DCC: variants seen among roughly 807,000 people sequenced by gnomAD.
DCC encodes the protein netrin receptor DCC.
In DCC, 58 loss-of-function variants were observed where a neutral mutation model predicts 172.5. The ratio of observed to expected loss-of-function variants is 0.34; its 90% CI spans 0.27 to 0.42. The LOEUF is 0.42. Ranked by LOEUF, DCC falls within the 10% of genes least tolerant of loss-of-function variation. The pLI is 1.00. For synonymous variants in DCC, 709 were observed against 644.5 expected (o/e 1.10, Z -1.52); for missense variants, 1,740 against 1,791.0 (o/e 0.97, Z 0.51).
At chr18:52,744,362 G>A (rs543946241) in intron 1 of DCC, among the ~76,000 whole-genome samples, 2 of 151,946 alleles carry the variant, frequency 1.3e-5, no homozygotes, top group Admixed American at 6.6e-5. Flanking sequence ...ATATTTTAAT[G>A]ATCCTTAATA....
chr18:52,411,703 A>T (rs1307300654), intron 1 of DCC, among the ~76,000 whole-genome samples: 1 of 152,182 alleles, frequency 6.6e-6, no homozygotes, highest in East Asian at 1.9e-4. Context: ...AGGTTCTTCC[A>T]CATATTAGTC....
At chr18:53,348,088 C>T (rs1326171079) in intron 15 of DCC, among the ~76,000 whole-genome samples, 1 of 152,154 alleles carries the variant, frequency 6.6e-6, no homozygotes, top group Non-Finnish European at 1.5e-5. Flanking sequence ...CTTATTTCAG[C>T]ATTAACTCAA....
intron 1 of DCC, among the ~76,000 whole-genome samples, chr18:52,388,006 C>T (rs1985882729): frequency 6.6e-6 from 1 of 152,014 alleles, no homozygotes; most frequent in Admixed American, 6.6e-5. Flanking sequence ...GCACATGCAT[C>T]CATGGGCATA....
chr18:53,364,313 A>G (rs112351011), intron 15 of DCC, among the ~76,000 whole-genome samples: 7 of 152,126 alleles, frequency 4.6e-5, no homozygotes, highest in African/African-American at 1.7e-4. Flanking sequence ...AAAGAACTTA[A>G]TATTTCTATT....
rs553463687 is a variant in DCC at position 52,546,093 on chromosome 18, A to T, written c.91+205215A>T. On this transcript the variant is annotated intron_variant, in intron 1 of 28. Transcript: ENST00000442544. The stretch of plus-strand genomic sequence containing the variant: ...CCAAAACAAAATGATTCCTACCCTC[A>T]TGTGGCTTGCACTTGATTCGAGAGG... Among the ~76,000 whole-genome samples the T allele has an allele frequency of 2.6e-5, 4 of 152,318 alleles. No individual in the cohort carries two copies. The East Asian group carries it at 7.7e-4, about 29-fold the overall frequency.
intron 5 of DCC, among the ~76,000 whole-genome samples, chr18:53,013,060 G>A (rs570196377): frequency 6.6e-6 from 1 of 152,238 alleles, no homozygotes; most frequent in South Asian, 2.1e-4. Flanking sequence ...TCATTAAAAA[G>A]TCTGTAAATA....
rs56806063 is a variant in DCC at position 53,035,160 on chromosome 18, C to CTGTGTGTGTG, written c.986-28130_986-28121dup. Among the ~76,000 whole-genome samples, 48 of 149,016 alleles carry CTGTGTGTGTG rather than the reference C, an allele frequency of 3.2e-4. 1 individual carries two copies. The highest frequency in any genetic ancestry group is 8.8e-4 in the African/African-American group (36 of 40,682). ...GATATCCATCACCTCAAACATTTATCTGTGTGTGTGTGTGTGTGTGTGTGA... is the reference window on the plus strand; with the variant it reads ...GATATCCATCACCTCAAACATTTATCTGTGTGTGTGTGTGTGTGTGTGTGTGTGTGTGTGA... On this transcript the variant is annotated intron_variant, in intron 5 of 28. Coordinates refer to ENST00000442544, the MANE Select transcript of DCC (RefSeq NM_005215.4).
At chr18:52,347,208 T>C (rs1983918324) in intron 1 of DCC, among the ~76,000 whole-genome samples, 1 of 152,214 alleles carries the variant, frequency 6.6e-6, no homozygotes, top group African/African-American at 2.4e-5. Context: ...TTCTTAAATC[T>C]GTGTTTACAT....
intron 2 of DCC, among the ~76,000 whole-genome samples, chr18:52,781,651 AT>A (rs998151008): frequency 4.3e-4 from 66 of 152,194 alleles, no homozygotes; most frequent in African/African-American, 1.5e-3. Context: ...GTTATTGATC[AT>A]TTTTCAAAAC....
At chr18:52,850,583 A>T (rs2038959437) in intron 2 of DCC, among the ~76,000 whole-genome samples, 1 of 151,832 alleles carries the variant, frequency 6.6e-6, no homozygotes, top group Admixed American at 6.6e-5. Flanking sequence ...ATTGTGTAGC[A>T]TCTTGAAAAG....
At position 52,423,251 on chromosome 18, in the gene DCC, C is replaced by CTTG. The variant is rs1222674259; in HGVS notation, c.91+82374_91+82375insTGT. Among the ~76,000 whole-genome samples, 7 of 152,246 alleles carry CTTG rather than the reference C, an allele frequency of 4.6e-5. No homozygotes were observed. The South Asian group carries it at 1.4e-3, about 32-fold the overall frequency. On this transcript the variant is annotated intron_variant, in intron 1 of 28. Transcript: ENST00000442544. Reference sequence around the variant, plus strand: ...AGAAACCTATGCAGGGCACTATCGGCTGTATACACAAGTGCAGAAAAACAA... The same window carrying CTTG: ...AGAAACCTATGCAGGGCACTATCGGCTTGTGTATACACAAGTGCAGAAAAACAA...
intron 1 of DCC, among the ~76,000 whole-genome samples, chr18:52,355,510 G>A (rs757995250): frequency 6.6e-6 from 1 of 152,126 alleles, no homozygotes; most frequent in Non-Finnish European, 1.5e-5. Flanking sequence ...TGACATTTTT[G>A]AAAAACATTA....
intron 9 of DCC, among the ~76,000 whole-genome samples, chr18:53,192,289 A>C (rs1362199022): frequency 6.6e-6 from 1 of 152,152 alleles, no homozygotes; most frequent in African/African-American, 2.4e-5. Flanking sequence ...ACCTGGGTTC[A>C]TTGTTACTGG....
chr18:53,227,908 T>C (rs999305046), intron 12 of DCC, among the ~76,000 whole-genome samples: 1 of 152,160 alleles, frequency 6.6e-6, no homozygotes, highest in Non-Finnish European at 1.5e-5. Context: ...TTTATGTGGA[T>C]AAAGTTGAAG....
rs906198286 is a variant in DCC, at chr18:53,431,526, C to T, written c.3164-3618C>T. On this transcript the variant is annotated intron_variant, in intron 21 of 28. Transcript: ENST00000442544. The stretch of plus-strand genomic sequence containing the variant: ...TTACTGAGCCAGAGTCTTGCTTTAT[C>T]GCCTAGGCTGGAGTGCAGTGTCGCA... 4.6e-5 allele frequency among the ~76,000 whole-genome samples: 7 copies of T among 151,150 alleles called. No homozygotes were observed. In the South Asian group the frequency reaches 8.4e-4, roughly 18 times the overall value.
chr18:53,217,162 A>G (rs1259194633), intron 12 of DCC, among the ~76,000 whole-genome samples: 6 of 151,988 alleles, frequency 3.9e-5, no homozygotes, highest in Non-Finnish European at 7.4e-5. Flanking sequence ...AAACGTGTAT[A>G]GGGCATTACT....
intron 1 of DCC, among the ~76,000 whole-genome samples, chr18:52,410,347 C>T (rs1443204733): frequency 2.6e-5 from 4 of 152,086 alleles, no homozygotes; most frequent in Admixed American, 2.6e-4. Context: ...CAACAAGAGG[C>T]CTTGAGCCCA....
intron 25 of DCC, among the ~76,000 whole-genome samples, 165 bp downstream of exon 25, chr18:53,468,175 G>C (rs2145184319): frequency 6.6e-6 from 1 of 152,096 alleles, no homozygotes; most frequent in South Asian, 2.1e-4. Context: ...TGAAGTCTAA[G>C]TCTTCATTCG....
chr18:53,079,698 G>A (rs2042771450), intron 7 of DCC, among the ~76,000 whole-genome samples: 2 of 152,122 alleles, frequency 1.3e-5, no homozygotes, highest in Admixed American at 6.6e-5. Context: ...TCTTTCAATG[G>A]GAAGAGGAAT....
Sources: gnomAD v4.1 joint callset for allele counts (sites outside exome capture counted in the v4.1 genomes callset) on GRCh38, gnomAD v4.1.1 for gene constraint, MANE v1.5 for transcripts, NCBI Gene and HGNC (gene_info 2026-07-23, HGNC 2026-07-21) for gene names.